CSMD1: variants seen among roughly 807,000 people sequenced by gnomAD.
CSMD1 encodes CUB and Sushi multiple domains 1.
CSMD1 carries 213 observed loss-of-function variants against 417.5 expected under a neutral mutation model. That is an observed-to-expected ratio of 0.51 (90% CI 0.46 to 0.57). CSMD1 has a LOEUF of 0.57. CSMD1 is among the 20% of genes least tolerant of loss of function. The pLI is 0.00. For synonymous variants in CSMD1, 2,862 were observed against 1,736.8 expected, an observed-to-expected ratio of 1.65 and a Z score of -16.11; for missense variants, 6,923 against 4,529.7, an observed-to-expected ratio of 1.53 and a Z score of -15.17.
At chr8:3,109,572 T>C (rs1441658010) in intron 43 of CSMD1, among the ~76,000 whole-genome samples, 3 of 152,060 alleles carry the variant, frequency 2.0e-5, no homozygotes, top group Admixed American at 6.6e-5. Flanking sequence ...CTGCAGCCCA[T>C]ATCTGGCCTT....
At chr8:4,143,108 G>A (rs34182832) in intron 3 of CSMD1, among the ~76,000 whole-genome samples, 45,323 of 143,314 alleles carry the variant, frequency 0.32, 8,471 homozygotes, top group Non-Finnish European at 0.4. Context: ...TATTAACTTG[G>A]GAAACTATGG....
At chr8:3,647,162 C>T (rs1037711163) in intron 7 of CSMD1, among the ~76,000 whole-genome samples, 4 of 152,042 alleles carry the variant, frequency 2.6e-5, no homozygotes, top group Non-Finnish European at 4.4e-5. Context: ...GATGGTCCTC[C>T]GGTGCAACTC....
chr8:3,067,253 T>C (rs1812997870), intron 49 of CSMD1, among the ~76,000 whole-genome samples: 1 of 152,056 alleles, frequency 6.6e-6, no homozygotes, highest in African/African-American at 2.4e-5. Flanking sequence ...ATCGTGACGT[T>C]TTTCCACCAT....
chr8:4,405,323 C>A (rs569616539), intron 3 of CSMD1, among the ~76,000 whole-genome samples: 1 of 151,956 alleles, frequency 6.6e-6, no homozygotes, highest in Non-Finnish European at 1.5e-5. Flanking sequence ...GTTTTTTTCT[C>A]ATTTTTTTTT....
Position 4,565,506 on chromosome 8 carries a change from G to C in CSMD1, c.302+71836C>G, listed in dbSNP as rs1015226130. Among the ~76,000 whole-genome samples the C allele has an allele frequency of 2.6e-5, 4 of 152,078 alleles. No homozygotes were observed. The South Asian group carries it at 8.3e-4, about 32-fold the overall frequency. Reference sequence around the variant, plus strand: ...TAATCCCAGCACTTAAGGAGGTCAAGGTGGGCGATCACAAGGTCAGGTGTT... The same window carrying C: ...TAATCCCAGCACTTAAGGAGGTCAACGTGGGCGATCACAAGGTCAGGTGTT... On this transcript the variant is annotated intron_variant, in intron 2 of 69. Transcript: ENST00000635120.
At chr8:3,455,901 C>T (rs1233799238) in intron 12 of CSMD1, among the ~76,000 whole-genome samples, 1 of 152,170 alleles carries the variant, frequency 6.6e-6, no homozygotes, top group Non-Finnish European at 1.5e-5. Flanking sequence ...TATGCCCTGC[C>T]CCCAGAGGTG....
chr8:3,498,255 T>A (rs1290706885), intron 10 of CSMD1, among the ~76,000 whole-genome samples: 1 of 152,206 alleles, frequency 6.6e-6, no homozygotes, highest in Non-Finnish European at 1.5e-5. Context: ...AAGTTTTTTA[T>A]TATGTATTTA....
intron 1 of CSMD1, among the ~76,000 whole-genome samples, chr8:4,913,031 C>T (rs952996422): frequency 4.6e-5 from 7 of 152,240 alleles, no homozygotes; most frequent in Admixed American, 3.9e-4. Context: ...TCAAGTGATC[C>T]ACCTGCCTCG....
At chr8:3,952,294 G>A (rs879824636) in intron 5 of CSMD1, among the ~76,000 whole-genome samples, 12 of 152,124 alleles carry the variant, frequency 7.9e-5, no homozygotes, top group African/African-American at 1.2e-4. Context: ...GAGGCTACGC[G>A]AAAGGTGTCG....
chr8:3,162,838 AC>A (rs1482867952), intron 37 of CSMD1, among the ~76,000 whole-genome samples: 6 of 152,314 alleles, frequency 3.9e-5, no homozygotes, highest in African/African-American at 1.4e-4. Flanking sequence ...TATTTACAGA[AC>A]CTAAAGCTGT....
intron 26 of CSMD1, among the ~76,000 whole-genome samples, chr8:3,280,394 T>A (rs1434836070): frequency 1.3e-5 from 2 of 152,224 alleles, no homozygotes; most frequent in Non-Finnish European, 2.9e-5. Flanking sequence ...TTTCCAGAGT[T>A]GTAGTCTAGA....
intron 3 of CSMD1, among the ~76,000 whole-genome samples, chr8:4,123,015 C>G (rs7836808): frequency 0.99 from 150,688 of 152,342 alleles, 74,552 homozygotes; most frequent in South Asian, 1. Context: ...CCAGCTTTGA[C>G]AAATTACAAT....
chr8:3,661,814 T>C (rs571934554), intron 7 of CSMD1, among the ~76,000 whole-genome samples: 1 of 152,112 alleles, frequency 6.6e-6, no homozygotes, highest in Non-Finnish European at 1.5e-5. Context: ...TTAAATTTAA[T>C]TCAGATGAAG....
At chr8:3,903,301 ATATC>A (rs747696174) in intron 5 of CSMD1, among the ~76,000 whole-genome samples, 4 of 147,656 alleles carry the variant, frequency 2.7e-5, no homozygotes, top group Non-Finnish European at 4.4e-5. Context: ...TGTTTTTAGA[ATATC>A]CAGGATGAAT....
intron 6 of CSMD1, among the ~76,000 whole-genome samples, chr8:3,729,320 G>A (rs897217888): frequency 2.0e-5 from 3 of 152,130 alleles, no homozygotes; most frequent in African/African-American, 7.2e-5. Flanking sequence ...CTGTCTGAGG[G>A]TGGGCTTCGG....
At chr8:3,285,403 T>C (rs1803070271) in intron 25 of CSMD1, among the ~76,000 whole-genome samples, 1 of 145,740 alleles carries the variant, frequency 6.9e-6, no homozygotes, top group South Asian at 2.2e-4. Flanking sequence ...TTTTTTTTTC[T>C]AGAGATGGGA....
At chr8:2,964,904 G>A (rs1003236164) in intron 59 of CSMD1, among the ~76,000 whole-genome samples, 10 of 152,150 alleles carry the variant, frequency 6.6e-5, no homozygotes, top group Non-Finnish European at 1.5e-5. Flanking sequence ...CACCGAAGAT[G>A]AAACCTTCTC....
intron 10 of CSMD1, among the ~76,000 whole-genome samples, chr8:3,525,210 G>C (rs1156483936): frequency 6.6e-6 from 1 of 152,104 alleles, no homozygotes; most frequent in African/African-American, 2.4e-5. Context: ...AAATCATTCA[G>C]GATTTGACCT....
intron 1 of CSMD1, among the ~76,000 whole-genome samples, chr8:4,963,831 G>A (rs573865397): frequency 1.3e-5 from 2 of 152,120 alleles, no homozygotes; most frequent in African/African-American, 4.8e-5. Flanking sequence ...CTAACCATGG[G>A]AGTAGTCACC....
Sources: gnomAD v4.1 joint callset for allele counts (sites outside exome capture counted in the v4.1 genomes callset) on GRCh38, gnomAD v4.1.1 for gene constraint, MANE v1.5 for transcripts, NCBI Gene and HGNC (gene_info 2026-07-23, HGNC 2026-07-21) for gene names.